TAFA2: variants seen among roughly 807,000 people sequenced by gnomAD.
TAFA2 encodes TAFA chemokine like family member 2.
Under a neutral mutation model 18.8 loss-of-function variants are expected in TAFA2, and 7 were observed. The observed-to-expected ratio is 0.37, with a 90% confidence interval of 0.21 to 0.70. TAFA2 has a LOEUF of 0.70. Ranked by LOEUF, TAFA2 falls within the 30% of genes least tolerant of loss-of-function variation. The pLI, the probability that TAFA2 is intolerant of heterozygous loss-of-function variation, is 0.53. For missense variants in TAFA2, 122 were observed against 158.1 expected (o/e 0.77, Z 1.23); for synonymous variants, 60 against 54.2 (o/e 1.11, Z -0.47).
At chr12:61,753,193 A>G (rs1009287956) in intron 4 of TAFA2, among the ~76,000 whole-genome samples, 1 of 152,088 alleles carries the variant, frequency 6.6e-6, no homozygotes, top group African/African-American at 2.4e-5. Context: ...CAAAATAATT[A>G]CTTTCATAAA....
At chr12:62,002,836 C>T (rs914652002) in intron 1 of TAFA2, among the ~76,000 whole-genome samples, 3 of 152,090 alleles carry the variant, frequency 2.0e-5, no homozygotes, top group African/African-American at 7.2e-5. Context: ...TTTTATGCAT[C>T]CACCTCCTGG....
intron 1 of TAFA2, among the ~76,000 whole-genome samples, chr12:62,065,907 T>C (rs1882473651): frequency 6.6e-6 from 1 of 151,916 alleles, no homozygotes; most frequent in Admixed American, 6.6e-5. Context: ...TACCACTTTA[T>C]AAAAAAGCTG....
intron 1 of TAFA2, among the ~76,000 whole-genome samples, chr12:62,221,307 C>T (rs1050586319): frequency 1.3e-4 from 20 of 151,680 alleles, no homozygotes; most frequent in African/African-American, 4.1e-4. Context: ...AAATACCCAT[C>T]TCCAAATAGC....
intron 1 of TAFA2, among the ~76,000 whole-genome samples, chr12:62,223,143 T>C (rs2062771014): frequency 6.6e-6 from 1 of 152,110 alleles, no homozygotes; most frequent in African/African-American, 2.4e-5. Flanking sequence ...GATTCTAAGT[T>C]TGATACATAA....
intron 2 of TAFA2, among the ~76,000 whole-genome samples, chr12:61,765,541 T>C (rs1258841998): frequency 6.6e-6 from 1 of 151,958 alleles, no homozygotes; most frequent in East Asian, 1.9e-4. Context: ...GGAAATGACA[T>C]AGGAAGTAGA....
At chr12:62,037,073 C>T (rs1346001522) in intron 1 of TAFA2, among the ~76,000 whole-genome samples, 2 of 152,184 alleles carry the variant, frequency 1.3e-5, no homozygotes, top group African/African-American at 4.8e-5. Context: ...GCTCCTAAAA[C>T]ATTTGCTATG....
intron 1 of TAFA2, among the ~76,000 whole-genome samples, chr12:62,120,459 C>A (rs1199713554): frequency 6.6e-6 from 1 of 152,196 alleles, no homozygotes; most frequent in Non-Finnish European, 1.5e-5. Flanking sequence ...TCCAGACATG[C>A]TTCAGACTAT....
intron 2 of TAFA2, among the ~76,000 whole-genome samples, chr12:61,850,964 C>T (rs1410701242): frequency 6.6e-6 from 1 of 152,082 alleles, no homozygotes; most frequent in Non-Finnish European, 1.5e-5. Flanking sequence ...TTCTTAAATT[C>T]TTCTGTAACT....
At chr12:61,911,227 C>A (rs1876597609) in intron 1 of TAFA2, among the ~76,000 whole-genome samples, 1 of 152,154 alleles carries the variant, frequency 6.6e-6, no homozygotes, top group African/African-American at 2.4e-5. Context: ...AATCACTCAG[C>A]AGCAGGAGGA....
At chr12:61,970,530 T>TTTTTCC (rs1199749645) in intron 1 of TAFA2, among the ~76,000 whole-genome samples, 1 of 508 alleles carries the variant, frequency 2.0e-3, no homozygotes, top group Non-Finnish European at 0.011. Context: ...CAAAAGAATT[T>TTTTTCC]TCAGAAGTTA....
At chr12:62,120,023 T>C (rs1337179012) in intron 1 of TAFA2, among the ~76,000 whole-genome samples, 1 of 151,500 alleles carries the variant, frequency 6.6e-6, no homozygotes, top group Admixed American at 6.6e-5. Context: ...TGGTGCGCCA[T>C]TGCACTCCAG....
At chr12:62,065,632 A>G (rs189811878) in intron 1 of TAFA2, among the ~76,000 whole-genome samples, 1 of 152,110 alleles carries the variant, frequency 6.6e-6, no homozygotes, top group African/African-American at 2.4e-5. Flanking sequence ...AAAAAGCATC[A>G]AGTGTGGTCA....
At chr12:62,085,935 A>G (rs1868431673) in intron 1 of TAFA2, among the ~76,000 whole-genome samples, 1 of 152,112 alleles carries the variant, frequency 6.6e-6, no homozygotes, top group Admixed American at 6.6e-5. Flanking sequence ...ATGGTTTAAA[A>G]GAGTGTGGCA....
At chr12:62,005,164 G>C (rs1880505484) in intron 1 of TAFA2, among the ~76,000 whole-genome samples, 1 of 152,098 alleles carries the variant, frequency 6.6e-6, no homozygotes, top group Admixed American at 6.5e-5. Context: ...AAATTTGCTA[G>C]AAGAGTAGAG....
chr12:62,171,221 C>T (rs573912957), intron 1 of TAFA2, among the ~76,000 whole-genome samples: 1 of 151,910 alleles, frequency 6.6e-6, no homozygotes, highest in African/African-American at 2.4e-5. Flanking sequence ...TGTGGACAAC[C>T]TATAGTATTT....
At chr12:62,100,457 A>G (rs767247854) in intron 1 of TAFA2, among the ~76,000 whole-genome samples, 4 of 152,162 alleles carry the variant, frequency 2.6e-5, no homozygotes, top group Non-Finnish European at 5.9e-5. Context: ...ACCCCTGTAC[A>G]GTTTGGTCTG....
intron 1 of TAFA2, among the ~76,000 whole-genome samples, chr12:61,906,833 T>C (rs1281652236): frequency 6.6e-6 from 1 of 152,246 alleles, no homozygotes; most frequent in Non-Finnish European, 1.5e-5. Context: ...TAATGCTTGC[T>C]ACGCTTTAGC....
At chr12:61,843,845 A>C (rs768611493) in intron 2 of TAFA2, among the ~76,000 whole-genome samples, 2 of 152,166 alleles carry the variant, frequency 1.3e-5, no homozygotes, top group Admixed American at 6.5e-5. Context: ...GTGTTAACAC[A>C]TTCAGCTGAA....
At chr12:61,943,596 A>G (rs1878133211) in intron 1 of TAFA2, among the ~76,000 whole-genome samples, 1 of 151,392 alleles carries the variant, frequency 6.6e-6, no homozygotes, top group African/African-American at 2.4e-5. Context: ...TCAAAATAAA[A>G]GGATGGAGGA....
Sources: gnomAD v4.1 joint callset for allele counts (sites outside exome capture counted in the v4.1 genomes callset) on GRCh38, gnomAD v4.1.1 for gene constraint, MANE v1.5 for transcripts, NCBI Gene and HGNC (gene_info 2026-07-23, HGNC 2026-07-21) for gene names.